EPHA5: variants seen among roughly 807,000 people sequenced by gnomAD.
The protein encoded by EPHA5 is EPH receptor A5.
In EPHA5, 60 loss-of-function variants were observed where a neutral mutation model predicts 105.0. That is an observed-to-expected ratio of 0.57 (90% CI 0.46 to 0.71). The LOEUF is 0.71. EPHA5 is among the 30% of genes least tolerant of loss of function. The probability of loss-of-function intolerance (pLI) is 0.00; values close to 1 mark genes in which losing one functional copy is unlikely to be tolerated. For synonymous variants in EPHA5, 513 were observed against 449.1 expected (o/e 1.14, Z -1.80); for missense variants, 1,218 against 1,274.7 (o/e 0.96, Z 0.68).
chr4:65,636,755 C>A (rs1405103949), intron 2 of EPHA5, among the ~76,000 whole-genome samples: 1 of 151,998 alleles, frequency 6.6e-6, no homozygotes, highest in Non-Finnish European at 1.5e-5. Flanking sequence ...GACACTTTTG[C>A]ACATCTATAA....
chr4:65,414,104 G>A (rs944131100), intron 7 of EPHA5, among the ~76,000 whole-genome samples, 180 bp downstream of exon 7: 1 of 152,168 alleles, frequency 6.6e-6, no homozygotes, highest in Non-Finnish European at 1.5e-5. Flanking sequence ...ACGGACCAAC[G>A]TGTTAACCTG....
At chr4:65,513,907 G>T (rs1315299810) in intron 3 of EPHA5, among the ~76,000 whole-genome samples, 1 of 151,798 alleles carries the variant, frequency 6.6e-6, no homozygotes, top group African/African-American at 2.4e-5. Context: ...GTATAACTTT[G>T]TACAGTCCTT....
At position 65,505,602 on chromosome 4, in the gene EPHA5, CAAA is replaced by C. The variant is rs549227094; in HGVS notation, c.911-10062_911-10060del. On this transcript the variant is annotated intron_variant, in intron 3 of 16. Transcript: ENST00000613740. The stretch of plus-strand genomic sequence containing the variant: ...AAAATGTCAAGGGATGGTTTCTTCA[CAAA>C]ATATTGAGAAAATGCACTCTCACGT... 2.7e-3 allele frequency among the ~76,000 whole-genome samples: 415 copies of C among 152,176 alleles called. 1 individual carries two copies. The highest frequency in any genetic ancestry group is 9.7e-3 in the African/African-American group (404 of 41,548).
At chr4:65,369,102 T>C (rs1718206809) in intron 8 of EPHA5, among the ~76,000 whole-genome samples, 1 of 152,180 alleles carries the variant, frequency 6.6e-6, no homozygotes, top group Non-Finnish European at 1.5e-5. Context: ...ACAAATTTTA[T>C]TCATCTATAA....
rs145972409 is a variant in EPHA5, at chr4:65,369,618, A to G, written c.1794-2194T>C. Among the ~76,000 whole-genome samples, 703 of 152,276 alleles carry G rather than the reference A, an allele frequency of 4.6e-3. 3 individuals carry two copies. Among genetic ancestry groups the G allele is most frequent in the Admixed American group, 8.3e-3 (127 of 15,278 alleles). ...TGTTGTCATTTTACAATGTGTAACT[A>G]CATATATATTACAAAAATGGCCAAC... On this transcript the variant is annotated intron_variant, in intron 8 of 16. Transcript: ENST00000613740.
chr4:65,389,599 A>G lies in EPHA5; in HGVS notation c.1793+14775T>C, dbSNP rs28377744. On this transcript the variant is annotated intron_variant, in intron 8 of 16. Coordinates refer to ENST00000613740, the MANE Select transcript of EPHA5 (RefSeq NM_001281766.3). ...TGGATAATAGATTATTTGGTCTTTA[A>G]TGTTGGCAGGATCTGTGCATTATCT... is the stretch of plus-strand genomic sequence containing the variant. Among the ~76,000 whole-genome samples the G allele has an allele frequency of 7.1e-3, 1,081 of 152,166 alleles. 15 individuals are homozygous for G. The highest frequency in any genetic ancestry group is 0.025 in the African/African-American group (1,034 of 41,532).
intron 5 of EPHA5, among the ~76,000 whole-genome samples, chr4:65,480,468 T>C (rs377066998): frequency 6.6e-6 from 1 of 152,114 alleles, no homozygotes; most frequent in South Asian, 2.1e-4. Context: ...TTGATTCAAA[T>C]AGGCAAATTA....
chr4:65,629,355 G>T (rs1488038189), intron 2 of EPHA5, among the ~76,000 whole-genome samples: 1 of 152,156 alleles, frequency 6.6e-6, no homozygotes, highest in Non-Finnish European at 1.5e-5. Context: ...ACTGGATAGA[G>T]GCAGGAGTAT....
At chr4:65,629,991 A>T (rs559472538) in intron 2 of EPHA5, among the ~76,000 whole-genome samples, 13 of 152,236 alleles carry the variant, frequency 8.5e-5, no homozygotes, top group African/African-American at 3.1e-4. Context: ...AGAATGAAAA[A>T]ATAACTCGTC....
At position 65,396,816 on chromosome 4, in the gene EPHA5, A is replaced by T. The variant is rs190998665; in HGVS notation, c.1793+7558T>A. Reference sequence around the variant, plus strand: ...AAGTTCATTATTCAAGCAGCCCCTGATATCAGGAGGAAGCTGCAGAAACAG... The same window carrying T: ...AAGTTCATTATTCAAGCAGCCCCTGTTATCAGGAGGAAGCTGCAGAAACAG... On this transcript the variant is annotated intron_variant, in intron 8 of 16. Coordinates refer to ENST00000613740, the MANE Select transcript of EPHA5 (RefSeq NM_001281766.3). Among the ~76,000 whole-genome samples the T allele has an allele frequency of 5.9e-5, 9 of 152,322 alleles. No individual in the cohort carries two copies. The East Asian group carries it at 1.7e-3, about 29-fold the overall frequency.
intron 6 of EPHA5, among the ~76,000 whole-genome samples, chr4:65,416,430 T>C (rs1277431397): frequency 6.6e-6 from 1 of 152,126 alleles, no homozygotes; most frequent in East Asian, 1.9e-4. Flanking sequence ...ACAAAATAGG[T>C]TCTATGTAGA....
intron 14 of EPHA5, 146 bp from the exon 15 acceptor site, chr4:65,336,271 C>T: frequency 2.1e-6 from 1 of 477,468 alleles, no homozygotes; most frequent in East Asian, 3.5e-5. Context: ...AAATCCACGG[C>T]TATTTCCATT....
intron 14 of EPHA5, among the ~76,000 whole-genome samples, chr4:65,339,093 T>G (rs1216297471): frequency 1.3e-5 from 2 of 152,178 alleles, no homozygotes; most frequent in African/African-American, 4.8e-5. Flanking sequence ...GGCATTGGCA[T>G]GTAAACTGAT....
At chr4:65,458,546 T>C (rs1237190358) in intron 5 of EPHA5, among the ~76,000 whole-genome samples, 2 of 152,142 alleles carry the variant, frequency 1.3e-5, no homozygotes. Context: ...CTGGAAATAA[T>C]CACTGTTTCT....
Position 65,602,087 on chromosome 4 carries a change from T to C in EPHA5, c.464A>G (p.Tyr155Cys), listed in dbSNP as rs758957894. 1 of 1,614,132 alleles carries C rather than the reference T, an allele frequency of 6.2e-7. No homozygotes were observed. Among genetic ancestry groups the C allele is most frequent in the Non-Finnish European group, 8.5e-7 (1 of 1,180,004 alleles). ...CCCATTCTGATCATCTGACTCAAAG[T>C]AATACATATTAAAGGTTTCCTTACA... Reference protein sequence around the residue: ...GTCKETFNMYYFESDDQNGRN... With the variant: ...GTCKETFNMYCFESDDQNGRN... The change falls in exon 3 of 17, where the codon TAC becomes TGC. Residue 155 changes from tyrosine to cysteine, a missense_variant. Tyr to Cys is a radical substitution (Grantham distance 194, BLOSUM62 -2). This residue lies in a region of EPHA5 where 233 missense variants were observed against 227.5 expected (regional missense o/e 1.02). Transcript: ENST00000613740.
At chr4:65,617,409 T>A (rs1282320893) in intron 2 of EPHA5, among the ~76,000 whole-genome samples, 1 of 152,118 alleles carries the variant, frequency 6.6e-6, no homozygotes, top group African/African-American at 2.4e-5. Context: ...ACCTGTTGGC[T>A]GAATTTATGC....
intron 2 of EPHA5, among the ~76,000 whole-genome samples, chr4:65,606,801 T>G (rs1426771492): frequency 6.6e-6 from 1 of 152,308 alleles, no homozygotes; most frequent in East Asian, 1.9e-4. Flanking sequence ...ATATTTCATA[T>G]TTCAGTCAAA....
At chr4:65,628,538 A>C (rs1484780954) in intron 2 of EPHA5, among the ~76,000 whole-genome samples, 1 of 152,248 alleles carries the variant, frequency 6.6e-6, no homozygotes, top group Admixed American at 6.5e-5. Flanking sequence ...AATAACCTTA[A>C]TCTATATATT....
intron 14 of EPHA5, among the ~76,000 whole-genome samples, chr4:65,337,662 G>T (rs899045209): frequency 1.8e-4 from 28 of 151,866 alleles, no homozygotes; most frequent in Admixed American, 1.3e-3. Flanking sequence ...ATATAATTTG[G>T]GACTTCTTTT....
Sources: gnomAD v4.1 joint callset for allele counts (sites outside exome capture counted in the v4.1 genomes callset) on GRCh38, gnomAD v4.1.1 for gene constraint, gnomAD v4.1.1 regional missense constraint, MANE v1.5 for transcripts, NCBI Gene and HGNC (gene_info 2026-07-23, HGNC 2026-07-21) for gene names.